Variants in DPP4 observed in about 807,000 individuals in gnomAD.
The protein encoded by DPP4 is dipeptidyl peptidase 4, also known as ADCP-2.
DPP4 carries 93 observed loss-of-function variants against 122.4 expected under a neutral mutation model. That is an observed-to-expected ratio of 0.76 (90% CI 0.64 to 0.90). The LOEUF (loss-of-function observed/expected upper bound fraction) is 0.90, where lower values mean the gene tolerates loss of function less well. Ranked by LOEUF, DPP4 falls within the 40% of genes least tolerant of loss-of-function variation. The probability of loss-of-function intolerance (pLI) is 0.00; values close to 1 mark genes in which losing one functional copy is unlikely to be tolerated. For synonymous variants in DPP4, 321 were observed against 302.9 expected (o/e 1.06, Z -0.62); for missense variants, 914 against 907.3 (o/e 1.01, Z -0.09).
chr2:162,001,546 G>A (rs1295550710), intron 23 of DPP4, among the ~76,000 whole-genome samples: 2 of 152,150 alleles, frequency 1.3e-5, no homozygotes, highest in African/African-American at 4.8e-5. Context: ...AACTGACAAA[G>A]AATAAACTTC....
intron 10 of DPP4, among the ~76,000 whole-genome samples, chr2:162,025,881 T>C (rs1203585733): frequency 6.6e-6 from 1 of 152,124 alleles, no homozygotes; most frequent in Non-Finnish European, 1.5e-5. Context: ...CCATCCCAAA[T>C]GCTCTCACAC....
chr2:162,042,494 C>G (rs1684021507), intron 5 of DPP4, among the ~76,000 whole-genome samples: 1 of 151,994 alleles, frequency 6.6e-6, no homozygotes, highest in African/African-American at 2.4e-5. Flanking sequence ...CTAAAAAACA[C>G]TAAAAGGTAG....
At chr2:162,045,425 T>C in intron 5 of DPP4, 107 bp downstream of exon 5, 5 of 783,322 alleles carry the variant, frequency 6.4e-6, no homozygotes, top group Non-Finnish European at 1.1e-5. Flanking sequence ...TAGTGCCTAT[T>C]ACATTACTTA....
chr2:162,004,148 C>T (rs1243388650), intron 23 of DPP4, among the ~76,000 whole-genome samples: 1 of 152,128 alleles, frequency 6.6e-6, no homozygotes, highest in Non-Finnish European at 1.5e-5. Context: ...TGCCGAACAC[C>T]TGGGTAAAGA....
At chr2:161,994,666 G>T (rs1380775371) in intron 25 of DPP4, among the ~76,000 whole-genome samples, 1 of 152,152 alleles carries the variant, frequency 6.6e-6, no homozygotes, top group African/African-American at 2.4e-5. Context: ...CTGAACAAGT[G>T]ATTACTTTTG....
intron 2 of DPP4, among the ~76,000 whole-genome samples, chr2:162,062,052 T>C (rs1684791273): frequency 1.3e-5 from 2 of 150,468 alleles, no homozygotes; most frequent in African/African-American, 4.9e-5. Flanking sequence ...GCAAATCACC[T>C]GAGGTCAGGA....
Position 162,073,418 on chromosome 2 carries a change from C to T in DPP4, c.75G>A (p.Val25=), listed in dbSNP as rs1320099658. The change falls in exon 2 of 26, where the codon GTG becomes GTA. Residue 25 remains valine (V), a synonymous_variant. Coordinates refer to ENST00000360534, the MANE Select transcript of DPP4 (RefSeq NM_001935.4). ...ACTTACTGCCTTTGTTCAGCAGAAC[C>T]ACGGGCACGGTGATGATGGTGACAA... ...AALVTIITVP[V]VLLNKGTDDA... The T allele has an allele frequency of 3.7e-6, 6 of 1,613,940 alleles. No homozygotes were observed. Among genetic ancestry groups the T allele is most frequent in the East Asian group, 2.2e-5 (1 of 44,900 alleles).
At chr2:162,066,315 A>T (rs1684946495) in intron 2 of DPP4, among the ~76,000 whole-genome samples, 1 of 151,814 alleles carries the variant, frequency 6.6e-6, no homozygotes, top group Admixed American at 6.6e-5. Flanking sequence ...ACCATCATTG[A>T]TCACCTGGAC....
At chr2:162,073,542 G>C in intron 1 of DPP4, 56 bp from the exon 2 acceptor site, 1 of 1,566,840 alleles carries the variant, frequency 6.4e-7, no homozygotes, top group South Asian at 1.1e-5. Context: ...CCCAGTTTCC[G>C]TAGGAGGGTC....
chr2:162,005,226 G>A (rs1201558090), intron 23 of DPP4, among the ~76,000 whole-genome samples: 1 of 152,180 alleles, frequency 6.6e-6, no homozygotes, highest in African/African-American at 2.4e-5. Flanking sequence ...CCTGTTGGAT[G>A]CTATTCAGTG....
intron 8 of DPP4, among the ~76,000 whole-genome samples, chr2:162,037,544 G>GA (rs1311180560): frequency 6.6e-6 from 1 of 151,994 alleles, no homozygotes; most frequent in Non-Finnish European, 1.5e-5. Context: ...CTACAAAGAA[G>GA]AAAAAAATAA....
intron 21 of DPP4, among the ~76,000 whole-genome samples, chr2:162,008,951 T>C (rs1424996015): frequency 2.0e-5 from 3 of 152,002 alleles, no homozygotes; most frequent in African/African-American, 7.2e-5. Context: ...TAACACGAAA[T>C]CTTTACTGAC....
rs576789618 is a variant in DPP4 at position 162,019,384 on chromosome 2, G to T, written c.1245-108C>A. ...CTAAGTGTGCACGGAGCGCGCGCACGGGTGCCCGCCGCCCTCCGCCATCGC... is the reference window on the plus strand; with the variant it reads ...CTAAGTGTGCACGGAGCGCGCGCACTGGTGCCCGCCGCCCTCCGCCATCGC... On this transcript the variant is annotated intron_variant, in intron 14 of 25. Coordinates refer to ENST00000360534, the MANE Select transcript of DPP4 (RefSeq NM_001935.4). 15 of 699,720 alleles carry T rather than the reference G, an allele frequency of 2.1e-5. No individual in the cohort carries two copies. In the African/African-American group the frequency reaches 2.4e-4, roughly 11 times the overall value. The allele number at this position is 699,720 out of a possible 1,614,324, so 43.3% of individuals were successfully genotyped here. A position where few individuals can be genotyped will look rare whatever the true frequency, so the allele number is the denominator to read the frequency against.
At chr2:162,062,626 C>T (rs1684815973) in intron 2 of DPP4, among the ~76,000 whole-genome samples, 1 of 152,224 alleles carries the variant, frequency 6.6e-6, no homozygotes, top group South Asian at 2.1e-4. Context: ...GGGCTGCTCT[C>T]ACCTCCTAGA....
intron 17 of DPP4, 43 bp downstream of exon 17, chr2:162,017,065 C>G (rs1382162805): frequency 1.3e-6 from 2 of 1,587,770 alleles, no homozygotes; most frequent in South Asian, 2.3e-5. Flanking sequence ...TTATGCAACA[C>G]ACTTTCTTAG....
At position 162,074,119 on chromosome 2, in the gene DPP4, A is replaced by G; in HGVS notation, c.-138T>C. 2 of 1,446,884 alleles carry G rather than the reference A, an allele frequency of 1.4e-6. No individual in the cohort carries two copies. Among genetic ancestry groups the G allele is most frequent in the South Asian group, 1.5e-5 (1 of 67,912 alleles). 89.6% of individuals were successfully genotyped at this position (1,446,884 alleles called of 1,614,324 possible). The stretch of plus-strand genomic sequence containing the variant: ...CGCTGGCAAGTTTCGGCCCCGAGTT[A>G]AACATTAGTGAGCGCCGAGCCCGCT... On this transcript the variant is annotated 5_prime_UTR_variant, in exon 1 of 26. Transcript: ENST00000360534.
At chr2:162,064,348 T>A (rs985146058) in intron 2 of DPP4, among the ~76,000 whole-genome samples, 1 of 152,142 alleles carries the variant, frequency 6.6e-6, no homozygotes, top group Admixed American at 6.5e-5. Context: ...CCATGCAGAG[T>A]AATTTTTTCG....
intron 2 of DPP4, among the ~76,000 whole-genome samples, chr2:162,058,239 G>A (rs1186712148): frequency 6.6e-6 from 1 of 152,224 alleles, no homozygotes; most frequent in East Asian, 1.9e-4. Context: ...TATGTGGCCT[G>A]AGTCACATAC....
At chr2:162,023,102 CT>C (rs1683194761) in intron 11 of DPP4, among the ~76,000 whole-genome samples, 1 of 152,170 alleles carries the variant, frequency 6.6e-6, no homozygotes, top group Non-Finnish European at 1.5e-5. Context: ...CTCCCTCATT[CT>C]TCTTCTAGTT....
Sources: allele counts gnomAD v4.1 joint callset (sites outside exome capture counted in the v4.1 genomes callset), GRCh38; gene constraint gnomAD v4.1.1; transcripts MANE v1.5; gene names NCBI Gene and HGNC (gene_info 2026-07-23, HGNC 2026-07-21).